Variants in PPP1R13B observed in about 807,000 individuals in gnomAD.
PPP1R13B encodes the protein protein phosphatase 1 regulatory subunit 13B.
Under a neutral mutation model 119.8 loss-of-function variants are expected in PPP1R13B, and 44 were observed. That is an observed-to-expected ratio of 0.37 (90% confidence interval 0.29 to 0.47). The LOEUF (loss-of-function observed/expected upper bound fraction) is 0.47. Ranked by LOEUF, PPP1R13B falls within the 20% of genes least tolerant of loss-of-function variation. The pLI, the probability that PPP1R13B is intolerant of heterozygous loss-of-function variation, is 0.99. For synonymous variants in PPP1R13B, 542 were observed against 561.5 expected (o/e 0.97, Z 0.49); for missense variants, 1,227 against 1,413.5 (o/e 0.87, Z 2.12).
intron 2 of PPP1R13B, among the ~76,000 whole-genome samples, chr14:103,786,896 T>C (rs56818337): frequency 6.6e-6 from 1 of 150,934 alleles, no homozygotes; most frequent in East Asian, 2.0e-4. Flanking sequence ...TTAGTAGAGA[T>C]GGGGTTTCAC....
intron 1 of PPP1R13B, among the ~76,000 whole-genome samples, chr14:103,803,302 A>G (rs1026571857): frequency 6.6e-6 from 1 of 152,190 alleles, no homozygotes; most frequent in Non-Finnish European, 1.5e-5. Flanking sequence ...TGAAAAAAGA[A>G]AACAAGTTAA....
intron 3 of PPP1R13B, among the ~76,000 whole-genome samples, 168 bp downstream of exon 3, chr14:103,784,627 G>A (rs553252103): frequency 1.4e-5 from 2 of 142,380 alleles, no homozygotes; most frequent in East Asian, 2.0e-4. Flanking sequence ...TGCCGTAATG[G>A]TAAACAACAC....
chr14:103,738,578 A>T lies in PPP1R13B; in HGVS notation c.2864+101T>A. The stretch of plus-strand genomic sequence containing the variant: ...TGAAATGATGGGTGTTCTTGCTCTA[A>T]TTCTCTCTTCCGTGCTTCCTAATTG... On this transcript the variant is annotated intron_variant, in intron 14 of 16. Coordinates refer to ENST00000202556, the MANE Select transcript of PPP1R13B (RefSeq NM_015316.3). This position sits in a 1 kb window ranked among gnomAD's most constrained non-coding sequence, Gnocchi z 5.6. The T allele has an allele frequency of 6.6e-7, 1 of 1,526,138 alleles. No homozygotes were observed. 94.5% of individuals were successfully genotyped at this position (1,526,138 alleles called of 1,614,324 possible).
At chr14:103,784,684 C>CT in intron 3 of PPP1R13B, 111 bp downstream of exon 3, 1 of 1,050,010 alleles carries the variant, frequency 9.5e-7, no homozygotes, top group Non-Finnish European at 1.3e-6. Flanking sequence ...CCTCTAGCCA[C>CT]TTGTAAGTGC....
Position 103,799,457 on chromosome 14 carries a change from C to A in PPP1R13B, c.10-1939G>T, listed in dbSNP as rs944942855. ...CCTCCCAAAATGCTGGGATTACAGGCGTCAGCCATTGCGCCCAGCCTTATT... is the reference window on the plus strand; with the variant it reads ...CCTCCCAAAATGCTGGGATTACAGGAGTCAGCCATTGCGCCCAGCCTTATT... On this transcript the variant is annotated intron_variant, in intron 1 of 16. Transcript: ENST00000202556. Among the ~76,000 whole-genome samples the A allele has an allele frequency of 3.9e-5, 6 of 152,164 alleles. No individual in the cohort carries two copies. In the South Asian group the frequency reaches 1.0e-3, roughly 26 times the overall value.
rs138803776 is a variant in PPP1R13B, at chr14:103,784,969, A to C, written c.158-55T>G. 754 of 1,466,906 alleles carry C rather than the reference A, an allele frequency of 5.1e-4. 1 individual carries two copies. The African/African-American group carries it at 8.9e-3, about 17-fold the overall frequency. The allele number at this position is 1,466,906 out of a possible 1,614,324, so 90.9% of individuals were successfully genotyped here. On this transcript the variant is annotated intron_variant, in intron 2 of 16. Transcript: ENST00000202556. Reference sequence around the variant, plus strand: ...CAGAATTAAAATGACTCCAACCAAAAGTAAATTTTGTAAAAAACTTAAATG... The same window carrying C: ...CAGAATTAAAATGACTCCAACCAAACGTAAATTTTGTAAAAAACTTAAATG...
In PPP1R13B at chr14:103,736,030, C is replaced by T; in HGVS notation, c.3204G>A (p.Glu1068=). ...CCAGCAGGTTTTTGGGCACATAGCC[C>T]TCCCGGTCTCCAAGGCGAGCCCACC... ...EWWWARLGDR[E]GYVPKNLLGL... is the part of the protein sequence containing the mutation. The change falls in exon 16 of 17, where the codon GAG becomes GAA. Residue 1068 remains glutamate, a synonymous_variant. Transcript: ENST00000202556. The T allele has an allele frequency of 6.2e-7, 1 of 1,614,190 alleles. No individual in the cohort carries two copies. Among genetic ancestry groups the T allele is most frequent in the African/African-American group, 1.3e-5 (1 of 75,058 alleles).
intron 9 of PPP1R13B, among the ~76,000 whole-genome samples, chr14:103,743,384 T>C (rs2084307520): frequency 6.6e-6 from 1 of 152,246 alleles, no homozygotes; most frequent in Admixed American, 6.5e-5. Flanking sequence ...CAGGCTATCA[T>C]TCTGTTGCAG....
In PPP1R13B at chr14:103,733,234, T is replaced by C. The variant is rs1260519753; in HGVS notation, c.*1920A>G. On this transcript the variant is annotated 3_prime_UTR_variant, in exon 17 of 17. Transcript: ENST00000202556. ...AAACAGCTTCATGTTTTAGAATTTG[T>C]GTATTGTCAATACTTAATTGGGGGT... 3 of 615,192 alleles carry C rather than the reference T, an allele frequency of 4.9e-6. No homozygotes were observed. The highest frequency in any genetic ancestry group is 5.8e-5 in the East Asian group (2 of 34,718). 38.1% of individuals were successfully genotyped at this position (615,192 alleles called of 1,614,324 possible). A position where few individuals can be genotyped will look rare whatever the true frequency, so the allele number is the denominator to read the frequency against.
At chr14:103,831,455 C>G (rs1042633108) in intron 1 of PPP1R13B, among the ~76,000 whole-genome samples, 1 of 150,398 alleles carries the variant, frequency 6.6e-6, no homozygotes, top group African/African-American at 2.4e-5. Flanking sequence ...CATTACAGGG[C>G]GCCTGTCACC....
At chr14:103,797,189 T>C (rs542028918) in intron 2 of PPP1R13B, 182 bp downstream of exon 2, 54 of 514,886 alleles carry the variant, frequency 1.0e-4, no homozygotes, top group East Asian at 1.6e-4. Context: ...CAGTTCTTTA[T>C]TACCACAGAT....
At chr14:103,810,926 T>TAAA (rs35556963) in intron 1 of PPP1R13B, among the ~76,000 whole-genome samples, 2 of 133,214 alleles carry the variant, frequency 1.5e-5, no homozygotes, top group Non-Finnish European at 3.2e-5. Flanking sequence ...CCGTCTCTAC[T>TAAA]AAAAAAAAAA....
In PPP1R13B at chr14:103,738,468, C is replaced by T; in HGVS notation, c.2864+211G>A. ...TGACGAGGCACAGAAAGAGCATAACCACAGCCACGTTTTTAACAAAATCAT... is the reference window on the plus strand; with the variant it reads ...TGACGAGGCACAGAAAGAGCATAACTACAGCCACGTTTTTAACAAAATCAT... On this transcript the variant is annotated intron_variant, in intron 14 of 16. Transcript: ENST00000202556. This position sits in a 1 kb window ranked among gnomAD's most constrained non-coding sequence, Gnocchi z 5.6. 2.9e-6 allele frequency: 2 copies of T among 698,340 alleles called. No individual in the cohort carries two copies. Among genetic ancestry groups the T allele is most frequent in the Admixed American group, 3.0e-5 (1 of 33,460 alleles). 43.3% of individuals were successfully genotyped at this position (698,340 alleles called of 1,614,324 possible).
chr14:103,738,668 A>ACGGC lies in PPP1R13B; in HGVS notation c.2864+10_2864+11insGCCG. On this transcript the variant is annotated intron_variant, in intron 14 of 16. Transcript: ENST00000202556. This position sits in a 1 kb window ranked among gnomAD's most constrained non-coding sequence, Gnocchi z 5.6. ...GTAAATCTGTCCACCCCACACTCCTACGGGCCTCACCATCCATCACTATCA... is the reference window on the plus strand; with the variant it reads ...GTAAATCTGTCCACCCCACACTCCTACGGCCGGGCCTCACCATCCATCACTATCA... 1 of 1,614,156 alleles carries ACGGC rather than the reference A, an allele frequency of 6.2e-7. No homozygotes were observed. The highest frequency in any genetic ancestry group is 1.1e-5 in the South Asian group (1 of 91,078).
At position 103,812,552 on chromosome 14, in the gene PPP1R13B, G is replaced by A. The variant is rs552200980; in HGVS notation, c.10-15034C>T. On this transcript the variant is annotated intron_variant, in intron 1 of 16. Transcript: ENST00000202556. ...CTCGTGACTCAGCTTCCTGAGTAGCGGGGATTGGGGTGCCTGCCATCAGGC... is the reference window on the plus strand; with the variant it reads ...CTCGTGACTCAGCTTCCTGAGTAGCAGGGATTGGGGTGCCTGCCATCAGGC... Among the ~76,000 whole-genome samples, 6 of 151,962 alleles carry A rather than the reference G, an allele frequency of 3.9e-5. No individual in the cohort carries two copies. In the South Asian group the frequency reaches 6.3e-4, roughly 16 times the overall value.
chr14:103,776,186 G>GAGGGAGGA lies in PPP1R13B; in HGVS notation c.354+2558_354+2559insTCCTCCCT, dbSNP rs1397618597. 6.4e-4 allele frequency among the ~76,000 whole-genome samples: 49 copies of GAGGGAGGA among 76,000 alleles called. 1 individual carries two copies. The East Asian group carries it at 9.8e-3, about 15-fold the overall frequency. 49.9% of individuals were successfully genotyped at this position (76,000 alleles called of 152,430 possible). A position where few individuals can be genotyped will look rare whatever the true frequency, so the allele number is the denominator to read the frequency against. On this transcript the variant is annotated intron_variant, in intron 4 of 16. Coordinates refer to ENST00000202556, the MANE Select transcript of PPP1R13B (RefSeq NM_015316.3). ...GAAGGGAAGGAGGGAGGGAGGGAGG[G>GAGGGAGGA]AGGAAGGAAGGAAGGAAGGAAGGAA...
intron 9 of PPP1R13B, 185 bp from the exon 10 acceptor site, chr14:103,743,008 T>G: frequency 1.6e-6 from 1 of 640,358 alleles, no homozygotes; most frequent in Non-Finnish European, 2.6e-6. Flanking sequence ...CACAGACCCG[T>G]GCACAAGACC....
intron 4 of PPP1R13B, among the ~76,000 whole-genome samples, chr14:103,769,603 A>C (rs1420032239): frequency 6.6e-6 from 1 of 152,228 alleles, no homozygotes; most frequent in African/African-American, 2.4e-5. Flanking sequence ...CAAAAATGAC[A>C]AACATCCCTA....
Position 103,754,235 on chromosome 14 carries a change from A to C in PPP1R13B, c.466T>G (p.Leu156Val), listed in dbSNP as rs1336954041. The C allele has an allele frequency of 6.2e-7, 1 of 1,608,262 alleles. No individual in the cohort carries two copies. Among genetic ancestry groups the C allele is most frequent in the Admixed American group, 1.7e-5 (1 of 58,362 alleles). ...CGCTCCTGTTGCTTTAGAAAATGTA[A>C]ACGCTGTTCCTAACAAAAGAAAGAA... ...QQMLVAKEQR[L>V]HFLKQQERRQ... Residue 156 changes from leucine to valine, a missense_variant, in exon 6 of 17, where the codon TTA becomes GTA. By Grantham distance (32) the Leu-to-Val change is conservative (BLOSUM62 1). Coordinates refer to ENST00000202556, the MANE Select transcript of PPP1R13B (RefSeq NM_015316.3).
Sources: gnomAD v4.1 joint callset for allele counts (sites outside exome capture counted in the v4.1 genomes callset) on GRCh38, gnomAD v4.1.1 for gene constraint, Gnocchi (gnomAD v3.1) non-coding constraint, MANE v1.5 for transcripts, NCBI Gene and HGNC (gene_info 2026-07-23, HGNC 2026-07-21) for gene names.